The following SLC30A3 variants were observed in gnomAD, a reference collection of about 807,000 sequenced individuals.
SLC30A3 encodes the protein solute carrier family 30 member 3.
SLC30A3 carries 20 observed loss-of-function variants against 35.6 expected under a neutral mutation model. The ratio of observed to expected loss-of-function variants is 0.56; its 90% CI spans 0.39 to 0.82. The LOEUF is 0.82. Ranked by LOEUF, SLC30A3 falls within the 40% of genes least tolerant of loss-of-function variation. SLC30A3 has a pLI of 0.00. For synonymous variants in SLC30A3, 217 were observed against 224.7 expected (o/e 0.97, Z 0.31); for missense variants, 401 against 530.6 (o/e 0.76, Z 2.40).
chr2:27,273,988 G>T (rs1241245473), intron 1 of SLC30A3, among the ~76,000 whole-genome samples: 2 of 152,124 alleles, frequency 1.3e-5, no homozygotes, highest in African/African-American at 2.4e-5. Context: ...GGCGCAATGG[G>T]GGTTGGCGCA....
chr2:27,268,624 G>T (rs1572489802), intron 1 of SLC30A3, among the ~76,000 whole-genome samples: 2 of 152,072 alleles, frequency 1.3e-5, no homozygotes, highest in East Asian at 3.9e-4. Flanking sequence ...GTGGTGGCGG[G>T]CGCCTGTGGT....
upstream of SLC30A3, chr2:27,263,544 T>G (rs1308121433): frequency 3.8e-6 from 1 of 266,208 alleles, no homozygotes; most frequent in Non-Finnish European, 7.8e-6. Flanking sequence ...TTACGGAGAA[T>G]CTGGGGTCGG....
chr2:27,262,932 C>CCCCACCG lies in SLC30A3; in HGVS notation c.-33_-27dup. On this transcript the variant is annotated 5_prime_UTR_variant, in exon 1 of 8. Coordinates refer to ENST00000233535, the MANE Select transcript of SLC30A3 (RefSeq NM_003459.5). This position sits in a 1 kb window ranked among gnomAD's most constrained non-coding sequence, Gnocchi z 7.5. ...GTTCCCGGTGCCCCGACCGTCTAGG[C>CCCCACCG]CCCACCGAGGAAGAGAGAGGCCGGG... 1 of 1,528,662 alleles carries CCCCACCG rather than the reference C, an allele frequency of 6.5e-7. No homozygotes were observed. Among genetic ancestry groups the CCCCACCG allele is most frequent in the Non-Finnish European group, 8.7e-7 (1 of 1,148,002 alleles). 94.7% of individuals were successfully genotyped at this position (1,528,662 alleles called of 1,614,324 possible).
At position 27,262,844 on chromosome 2, in the gene SLC30A3, G is replaced by A. The variant is rs1475147896; in HGVS notation, c.63C>T (p.Arg21=). ...ETTRLVSPRD[R]GGAGGSLRLK... ...AACGCAGGCTGCCTCCGGCGCCACC[G>A]CGGTCCCGGGGGCTCACCAGGCGAG... is the stretch of plus-strand genomic sequence containing the variant. Residue 21 remains arginine (R), a synonymous_variant, in exon 1 of 8, where the codon CGC becomes CGT. Coordinates refer to ENST00000233535, the MANE Select transcript of SLC30A3 (RefSeq NM_003459.5). This position sits in a 1 kb window ranked among gnomAD's most constrained non-coding sequence, Gnocchi z 7.5. The A allele has an allele frequency of 1.3e-6, 2 of 1,566,344 alleles. No homozygotes were observed. Among genetic ancestry groups the A allele is most frequent in the Admixed American group, 1.9e-5 (1 of 52,464 alleles).
At position 27,255,310 on chromosome 2, in the gene SLC30A3, G is replaced by A. The variant is rs1482873015; in HGVS notation, c.*2C>T. 6.2e-7 allele frequency: 1 copy of A among 1,613,822 alleles called. No individual in the cohort carries two copies. Among genetic ancestry groups the A allele is most frequent in the Non-Finnish European group, 8.5e-7 (1 of 1,179,964 alleles). ...GCAGTGGGGTGAGGGCAGGGCCATG[G>A]CTCAGGCTTGGGGGGGTTCCTGGCA... On this transcript the variant is annotated 3_prime_UTR_variant, in exon 8 of 8. Coordinates refer to ENST00000233535, the MANE Select transcript of SLC30A3 (RefSeq NM_003459.5). The surrounding 1 kb of genome is among the most constrained non-coding windows in gnomAD (Gnocchi z 5.2).
upstream of SLC30A3, among the ~76,000 whole-genome samples, chr2:27,265,576 G>A (rs1200313038): frequency 6.6e-6 from 1 of 152,174 alleles, no homozygotes; most frequent in Non-Finnish European, 1.5e-5. The surrounding 1 kb of genome is among the most constrained non-coding windows in gnomAD (Gnocchi z 5.9). Context: ...AAGCCAAGCT[G>A]AAGAGCATGG....
chr2:27,257,497 G>A lies in SLC30A3; in HGVS notation c.579-145C>T, dbSNP rs762298918. 1.8e-4 allele frequency: 143 copies of A among 773,440 alleles called. No individual in the cohort carries two copies. Among genetic ancestry groups the A allele is most frequent in the Middle Eastern group, 1.2e-3 (5 of 4,330 alleles). 47.9% of individuals were successfully genotyped at this position (773,440 alleles called of 1,614,324 possible). On this transcript the variant is annotated intron_variant, in intron 4 of 7. Coordinates refer to ENST00000233535, the MANE Select transcript of SLC30A3 (RefSeq NM_003459.5). This position sits in a 1 kb window ranked among gnomAD's most constrained non-coding sequence, Gnocchi z 4.7. ...CAAGAGAGATAAACAATGCAGCCTG[G>A]GGGAAAGAATACCAGACTTGGTGCC...
At chr2:27,273,342 G>A (rs1305798103) in intron 1 of SLC30A3, among the ~76,000 whole-genome samples, 1 of 152,166 alleles carries the variant, frequency 6.6e-6, no homozygotes, top group Non-Finnish European at 1.5e-5. Flanking sequence ...GAGCAAGTAG[G>A]ACAGTGGTTC....
chr2:27,272,854 C>T (rs1677784020), intron 1 of SLC30A3, among the ~76,000 whole-genome samples: 1 of 151,248 alleles, frequency 6.6e-6, no homozygotes, highest in Non-Finnish European at 1.5e-5. Flanking sequence ...GAGTTCAAGA[C>T]CAGCCTGGGC....
rs1225514919 is a variant in SLC30A3, at chr2:27,255,888, C to G, written c.1019-428G>C. The G allele has an allele frequency of 4.7e-6, 1 of 211,998 alleles. No homozygotes were observed. The highest frequency in any genetic ancestry group is 1.3e-4 in the East Asian group (1 of 7,678). 13.1% of individuals were successfully genotyped at this position (211,998 alleles called of 1,614,324 possible). A position where few individuals can be genotyped will look rare whatever the true frequency, so the allele number is the denominator to read the frequency against. ...TGCATCTGGAAGAAACTCAAAAATC[C>G]TTTGTCAGCTCATGACTCACCATAT... On this transcript the variant is annotated intron_variant, in intron 7 of 7. Transcript: ENST00000233535. This position sits in a 1 kb window ranked among gnomAD's most constrained non-coding sequence, Gnocchi z 5.2.
At chr2:27,265,123 G>A (rs1677441473), upstream of SLC30A3, among the ~76,000 whole-genome samples, 1 of 152,240 alleles carries the variant, frequency 6.6e-6, no homozygotes, top group South Asian at 2.1e-4. The surrounding 1 kb of genome is among the most constrained non-coding windows in gnomAD (Gnocchi z 5.9). Context: ...CGACAACAGG[G>A]GACATAACAA....
At chr2:27,268,334 T>A (rs952752989) in intron 1 of SLC30A3, among the ~76,000 whole-genome samples, 2 of 152,208 alleles carry the variant, frequency 1.3e-5, no homozygotes, top group African/African-American at 4.8e-5. Flanking sequence ...TTGGTTGATA[T>A]TTGTTGAGTA....
upstream of SLC30A3, among the ~76,000 whole-genome samples, chr2:27,267,249 G>A (rs910060744): frequency 3.3e-5 from 5 of 152,096 alleles, no homozygotes; most frequent in Non-Finnish European, 4.4e-5. Flanking sequence ...CTTGATTACT[G>A]CAATAGCCTC....
chr2:27,272,086 T>C (rs1486277013), intron 1 of SLC30A3, among the ~76,000 whole-genome samples: 1 of 152,220 alleles, frequency 6.6e-6, no homozygotes, highest in Non-Finnish European at 1.5e-5. Context: ...CGGAAAAGCC[T>C]CACACTTTTG....
At chr2:27,273,092 AGTGTGTGTGT>A (rs58847409) in intron 1 of SLC30A3, among the ~76,000 whole-genome samples, 2 of 140,858 alleles carry the variant, frequency 1.4e-5, no homozygotes, top group African/African-American at 5.3e-5. Context: ...ACATATACAC[AGTGTGTGTGT>A]GTGTGTGTGT....
chr2:27,256,457 C>T lies in SLC30A3; in HGVS notation c.947G>A (p.Arg316Gln), dbSNP rs748916191. The T allele has an allele frequency of 2.5e-6, 4 of 1,614,002 alleles. No individual in the cohort carries two copies. Among genetic ancestry groups the T allele is most frequent in the East Asian group, 4.5e-5 (2 of 44,878 alleles). Residue 316 changes from arginine (R) to glutamine (Q), a missense_variant, in exon 7 of 8, where the codon CGG (arginine) becomes CAG (glutamine). By Grantham distance (43) the Arg-to-Gln change is conservative. Around this residue, in one of 3 missense-constraint regions of SLC30A3, gnomAD observed 296 missense variants for 392.6 expected, o/e 0.75. Transcript: ENST00000233535. ...CCACAGGTGCAGCTCATGGGTTGCC[C>T]GGACTCCTGGCACCGACAACAGCGT... The part of the protein sequence containing the change: ...RDTLLSVPGV[R>Q]ATHELHLWAL...
At chr2:27,275,128 C>G (rs1677949669) in intron 1 of SLC30A3, 1 of 1,242,964 alleles carries the variant, frequency 8.0e-7, no homozygotes, top group Admixed American at 2.3e-5. Context: ...GTCCTGAAGA[C>G]AACTGGGAAG....
At chr2:27,273,048 A>AT (rs1231144075) in intron 1 of SLC30A3, among the ~76,000 whole-genome samples, 105 of 145,646 alleles carry the variant, frequency 7.2e-4, no homozygotes, top group African/African-American at 1.1e-3. Context: ...AAAAAAAAAA[A>AT]AAAATATATA....
At chr2:27,261,289 G>A (rs531111846) in intron 1 of SLC30A3, among the ~76,000 whole-genome samples, 10 of 152,310 alleles carry the variant, frequency 6.6e-5, no homozygotes, top group Non-Finnish European at 1.0e-4. Flanking sequence ...CTGATGGGAG[G>A]AAGAGAGGAG....
Sources: allele counts gnomAD v4.1 joint callset (sites outside exome capture counted in the v4.1 genomes callset), GRCh38; gene constraint gnomAD v4.1.1; regional missense constraint gnomAD v4.1.1; non-coding constraint Gnocchi (gnomAD v3.1); transcripts MANE v1.5; gene names NCBI Gene and HGNC (gene_info 2026-07-23, HGNC 2026-07-21).